The following SAP30BP variants were observed in gnomAD, a reference collection of about 807,000 sequenced individuals.
The protein encoded by SAP30BP is SAP30 binding protein.
In SAP30BP, 31 loss-of-function variants were observed where a neutral mutation model predicts 46.3. The ratio of observed to expected loss-of-function variants is 0.67; its 90% CI spans 0.50 to 0.90. The LOEUF is 0.90. SAP30BP is among the 40% of genes least tolerant of loss of function. The pLI, the probability that SAP30BP is intolerant of heterozygous loss-of-function variation, is 0.00. For synonymous variants in SAP30BP, 169 were observed against 144.2 expected (o/e 1.17, Z -1.23); for missense variants, 312 against 391.0 (o/e 0.80, Z 1.70).
At chr17:75,669,000 T>A (rs1406462466) in intron 2 of SAP30BP, among the ~76,000 whole-genome samples, 2 of 152,204 alleles carry the variant, frequency 1.3e-5, no homozygotes, top group African/African-American at 2.4e-5. Flanking sequence ...TTTTTAATCT[T>A]GGTTGGGGCT....
At chr17:75,695,680 C>T (rs2060307037) in intron 4 of SAP30BP, among the ~76,000 whole-genome samples, 1 of 152,124 alleles carries the variant, frequency 6.6e-6, no homozygotes, top group Admixed American at 6.6e-5. Context: ...AAGCTTTTGT[C>T]CACTCTGGTG....
At chr17:75,694,195 C>T (rs1052261436) in intron 4 of SAP30BP, among the ~76,000 whole-genome samples, 31 of 152,082 alleles carry the variant, frequency 2.0e-4, no homozygotes, top group African/African-American at 4.8e-4. Flanking sequence ...CTGCCTCCTG[C>T]GGTCTTGCCT....
Position 75,670,136 on chromosome 17 carries a change from A to T in SAP30BP, c.216+1511A>T, listed in dbSNP as rs964226714. Among the ~76,000 whole-genome samples, 8 of 152,142 alleles carry T rather than the reference A, an allele frequency of 5.3e-5. No individual in the cohort carries two copies. The East Asian group carries it at 1.5e-3, about 29-fold the overall frequency. ...CAGGAGATCAAGACCATCTTGGCCA[A>T]CATGGTGAAACCCCATCTCTACTAA... On this transcript the variant is annotated intron_variant, in intron 2 of 10. Coordinates refer to ENST00000584667, the MANE Select transcript of SAP30BP (RefSeq NM_013260.8).
At chr17:75,692,627 A>G (rs2060256936) in intron 3 of SAP30BP, 2 of 488,020 alleles carry the variant, frequency 4.1e-6, no homozygotes, top group African/African-American at 2.1e-5. Flanking sequence ...TTTGGTTTAG[A>G]TGAAACATTT....
chr17:75,689,398 C>T (rs2060210256), intron 3 of SAP30BP, among the ~76,000 whole-genome samples: 1 of 152,030 alleles, frequency 6.6e-6, no homozygotes. Context: ...CCTGTTTTTC[C>T]TTGTGTCTTG....
At chr17:75,688,139 TG>T (rs2060189618) in intron 3 of SAP30BP, among the ~76,000 whole-genome samples, 1 of 150,506 alleles carries the variant, frequency 6.6e-6, no homozygotes, top group Admixed American at 6.6e-5. Flanking sequence ...TAGGCAGGAG[TG>T]GGGAGAAGGT....
rs1415480043 is a variant in SAP30BP, at chr17:75,668,635, T to C, written c.216+10T>C. The C allele has an allele frequency of 6.5e-7, 1 of 1,529,570 alleles. No homozygotes were observed. The highest frequency in any genetic ancestry group is 9.0e-7 in the Non-Finnish European group (1 of 1,110,956). The allele number at this position is 1,529,570 out of a possible 1,614,324, so 94.7% of individuals were successfully genotyped here. On this transcript the variant is annotated intron_variant, in intron 2 of 10. Transcript: ENST00000584667. ...GAACAGTAGACAGTCGGTAGGTAAA[T>C]CTCCCAGATCCAGAGCTACTGAAAG...
chr17:75,706,656 T>C lies in SAP30BP; in HGVS notation c.*135T>C. The C allele has an allele frequency of 1.2e-6, 1 of 814,520 alleles. No individual in the cohort carries two copies. Among genetic ancestry groups the C allele is most frequent in the Non-Finnish European group, 1.9e-6 (1 of 517,308 alleles). 50.5% of individuals were successfully genotyped at this position (814,520 alleles called of 1,614,324 possible). A position where few individuals can be genotyped will look rare whatever the true frequency, so the allele number is the denominator to read the frequency against. On this transcript the variant is annotated 3_prime_UTR_variant, in exon 11 of 11. Transcript: ENST00000584667. This position sits in a 1 kb window ranked among gnomAD's most constrained non-coding sequence, Gnocchi z 4.6. ...ACCTGAGAGGAGCTTCTGTTTGGCA[T>C]TCCAGATGGAAGGACAGGCAGCACG...
chr17:75,678,554 C>T (rs1297027899), intron 3 of SAP30BP, among the ~76,000 whole-genome samples: 1 of 152,064 alleles, frequency 6.6e-6, no homozygotes, highest in Admixed American at 6.6e-5. Context: ...CGGCTGTACT[C>T]GACTCAGTAT....
intron 3 of SAP30BP, among the ~76,000 whole-genome samples, chr17:75,686,075 C>G (rs2060152094): frequency 6.6e-6 from 1 of 152,210 alleles, no homozygotes; most frequent in South Asian, 2.1e-4. Flanking sequence ...TGCTGAGTCA[C>G]GTGGGCTTTG....
intron 3 of SAP30BP, among the ~76,000 whole-genome samples, chr17:75,690,082 T>C (rs745718104): frequency 1.4e-4 from 21 of 152,204 alleles, no homozygotes; most frequent in Non-Finnish European, 2.8e-4. Context: ...AATATATCCA[T>C]GTAACAGACC....
At chr17:75,705,937 G>A in intron 9 of SAP30BP, 71 bp from the exon 10 acceptor site, 8 of 1,597,210 alleles carry the variant, frequency 5.0e-6, no homozygotes, top group Non-Finnish European at 6.0e-6. Context: ...TCCCCCAGGA[G>A]CTGACGGATG....
chr17:75,688,656 C>G (rs769293653), intron 3 of SAP30BP, among the ~76,000 whole-genome samples: 3 of 152,190 alleles, frequency 2.0e-5, no homozygotes, highest in Non-Finnish European at 4.4e-5. Context: ...AACCTCCATT[C>G]TCTTACTCAG....
Position 75,668,444 on chromosome 17 carries a change from T to G in SAP30BP, c.107-72T>G, listed in dbSNP as rs2059843332. ...CTTGGCCACTCAAATCTCTGGACATTTTTTCTTACATTGTAACTCTTGTTT... is the reference window on the plus strand; with the variant it reads ...CTTGGCCACTCAAATCTCTGGACATGTTTTCTTACATTGTAACTCTTGTTT... On this transcript the variant is annotated intron_variant, in intron 1 of 10. Transcript: ENST00000584667. 3 of 963,084 alleles carry G rather than the reference T, an allele frequency of 3.1e-6. No individual in the cohort carries two copies. The East Asian group carries it at 7.9e-5, about 26-fold the overall frequency. The allele number at this position is 963,084 out of a possible 1,614,324, so 59.7% of individuals were successfully genotyped here.
At position 75,706,748 on chromosome 17, in the gene SAP30BP, C is replaced by A. The variant is rs1371833177; in HGVS notation, c.*227C>A. The A allele has an allele frequency of 1.8e-6, 1 of 564,018 alleles. No homozygotes were observed. The highest frequency in any genetic ancestry group is 2.9e-5 in the East Asian group (1 of 34,372). 34.9% of individuals were successfully genotyped at this position (564,018 alleles called of 1,614,324 possible). A position where few individuals can be genotyped will look rare whatever the true frequency, so the allele number is the denominator to read the frequency against. On this transcript the variant is annotated 3_prime_UTR_variant, in exon 11 of 11. Transcript: ENST00000584667. The surrounding 1 kb of genome is among the most constrained non-coding windows in gnomAD (Gnocchi z 4.6). Reference sequence around the variant, plus strand: ...GGGGTCTGCCGCCTATTAAAAGTGCCGTATTCTTACCTCTTGGCATCTCAG... The same window carrying A: ...GGGGTCTGCCGCCTATTAAAAGTGCAGTATTCTTACCTCTTGGCATCTCAG...
chr17:75,687,955 T>TGA (rs10597935), intron 3 of SAP30BP, among the ~76,000 whole-genome samples: 19 of 124,686 alleles, frequency 1.5e-4, no homozygotes, highest in African/African-American at 5.6e-4. Flanking sequence ...TGTGTGTGTG[T>TGA]GAGAGAGACA....
At position 75,690,261 on chromosome 17, in the gene SAP30BP, G is replaced by A. The variant is rs905559697; in HGVS notation, c.265-3179G>A. On this transcript the variant is annotated intron_variant, in intron 3 of 10. Coordinates refer to ENST00000584667, the MANE Select transcript of SAP30BP (RefSeq NM_013260.8). Reference sequence around the variant, plus strand: ...CCTATCTGAGACATGACTGGTAAGAGGGCATCTCTTTAGGCCTGTCCTCCC... The same window carrying A: ...CCTATCTGAGACATGACTGGTAAGAAGGCATCTCTTTAGGCCTGTCCTCCC... 2.0e-5 allele frequency among the ~76,000 whole-genome samples: 3 copies of A among 152,254 alleles called. No individual in the cohort carries two copies. In the East Asian group the frequency reaches 5.8e-4, roughly 29 times the overall value.
In SAP30BP at chr17:75,699,860, A is replaced by G. The variant is rs11558668; in HGVS notation, c.385A>G (p.Asn129Asp). Residue 129 changes from asparagine (N) to aspartate (D), a missense_variant, in exon 5 of 11, where the codon AAT (asparagine) becomes GAT (aspartate). Physicochemically the swap from Asn to Asp is conservative, Grantham distance 23 (BLOSUM62 1). Transcript: ENST00000584667. ...GCCAGAACCCCCTGGCAGATGTTCA[A>G]ATCACTTGCAAGTAAGCATGAGACT... Reference protein sequence around the residue: ...IPPEPPGRCSNHLQDKIQKLY... With the variant: ...IPPEPPGRCSDHLQDKIQKLY... 17 of 1,612,036 alleles carry G rather than the reference A, an allele frequency of 1.1e-5. No homozygotes were observed. The highest frequency in any genetic ancestry group is 1.3e-5 in the African/African-American group (1 of 74,892).
intron 6 of SAP30BP, chr17:75,703,045 G>T (rs1702452436): frequency 3.9e-6 from 2 of 506,628 alleles, no homozygotes; most frequent in Admixed American, 3.3e-5. Flanking sequence ...GTGTGGGTCT[G>T]AGTGTGGTAA....
Sources: gnomAD v4.1 joint callset for allele counts (sites outside exome capture counted in the v4.1 genomes callset) on GRCh38, gnomAD v4.1.1 for gene constraint, Gnocchi (gnomAD v3.1) non-coding constraint, MANE v1.5 for transcripts, NCBI Gene and HGNC (gene_info 2026-07-23, HGNC 2026-07-21) for gene names.